Variants in SHC3 observed in about 807,000 individuals in gnomAD.
SHC3 encodes the protein SHC adaptor protein 3, also known as SHC-transforming protein 3.
SHC3 carries 15 observed loss-of-function variants against 60.4 expected under a neutral mutation model. The observed-to-expected ratio is 0.25, with a 90% CI of 0.17 to 0.38. The LOEUF is 0.38. SHC3 is among the 10% of genes least tolerant of loss of function. The pLI is 1.00. For missense variants in SHC3, 677 were observed against 786.1 expected, an observed-to-expected ratio of 0.86 and a Z score of 1.66; for synonymous variants, 294 against 325.9, an observed-to-expected ratio of 0.90 and a Z score of 1.05.
chr9:89,065,476 G>A lies in SHC3; in HGVS notation c.835+53C>T, dbSNP rs964563499. 3 of 1,581,380 alleles carry A rather than the reference G, an allele frequency of 1.9e-6. No homozygotes were observed. In the Admixed American group the frequency reaches 5.0e-5, roughly 26 times the overall value. On this transcript the variant is annotated intron_variant, in intron 6 of 11. Coordinates refer to ENST00000375835, the MANE Select transcript of SHC3 (RefSeq NM_016848.6). ...TAACGAGGACCAGCTTGTATAGAAT[G>A]TGAAGCCTGGCTGTACACAAACAAG...
At chr9:89,015,220 C>T (rs1174107203) in intron 11 of SHC3, among the ~76,000 whole-genome samples, 3 of 152,240 alleles carry the variant, frequency 2.0e-5, no homozygotes, top group Admixed American at 1.3e-4. Flanking sequence ...AGGAACTCAA[C>T]TTGAGACCAG....
intron 9 of SHC3, among the ~76,000 whole-genome samples, chr9:89,044,549 T>C (rs1407525697): frequency 6.6e-6 from 1 of 152,212 alleles, no homozygotes; most frequent in Non-Finnish European, 1.5e-5. Flanking sequence ...TCAGATCTTA[T>C]AGACTTAGTA....
intron 1 of SHC3, among the ~76,000 whole-genome samples, chr9:89,138,289 G>T (rs1826346732): frequency 6.6e-6 from 1 of 152,190 alleles, no homozygotes; most frequent in East Asian, 1.9e-4. Flanking sequence ...TAAGAGAATG[G>T]CTACTCCATA....
intron 2 of SHC3, among the ~76,000 whole-genome samples, chr9:89,092,853 C>T (rs1023364279): frequency 8.6e-5 from 13 of 151,928 alleles, no homozygotes; most frequent in African/African-American, 3.1e-4. Context: ...TTGTTTGACT[C>T]ATTATGAAAA....
At chr9:89,059,598 G>C (rs1328873821) in intron 6 of SHC3, among the ~76,000 whole-genome samples, 3 of 140,356 alleles carry the variant, frequency 2.1e-5, no homozygotes, top group Non-Finnish European at 4.6e-5. Flanking sequence ...AGGACATGGT[G>C]TAGGACGTGG....
chr9:89,174,322 T>C (rs1007825187), intron 1 of SHC3, among the ~76,000 whole-genome samples: 1 of 152,210 alleles, frequency 6.6e-6, no homozygotes, highest in African/African-American at 2.4e-5. Flanking sequence ...CAGAGCTTTG[T>C]TCCAAAAGGG....
intron 2 of SHC3, among the ~76,000 whole-genome samples, chr9:89,082,746 G>A (rs1234482367): frequency 6.6e-6 from 1 of 152,138 alleles, no homozygotes; most frequent in Non-Finnish European, 1.5e-5. Context: ...ACGGACCCCA[G>A]GCAAACTTTA....
chr9:89,075,222 T>C lies in SHC3; in HGVS notation c.616A>G (p.Ser206Gly), dbSNP rs776370824. ...CCCAAGATGCTGGACAGCATTTTGC[T>C]TGGAGGCTGTGAAATTAAAGAGCAT... The part of the protein sequence containing the change: ...KGAFKKRKPP[S>G]KMLSSILGKS... Residue 206 changes from serine (S) to glycine (G), a missense_variant, in exon 4 of 12, where the codon AGC (serine) becomes GGC (glycine). By Grantham distance (56) the Ser-to-Gly change is moderately conservative. Transcript: ENST00000375835. 2.5e-6 allele frequency: 4 copies of C among 1,613,616 alleles called. No individual in the cohort carries two copies. The highest frequency in any genetic ancestry group is 1.7e-5 in the Admixed American group (1 of 59,970).
At chr9:89,134,256 A>G (rs1826289961) in intron 1 of SHC3, among the ~76,000 whole-genome samples, 1 of 152,132 alleles carries the variant, frequency 6.6e-6, no homozygotes, top group Non-Finnish European at 1.5e-5. Flanking sequence ...TTAAAGGGTA[A>G]AAGGATTCTT....
At chr9:89,116,040 C>T (rs1481974365) in intron 1 of SHC3, among the ~76,000 whole-genome samples, 1 of 152,102 alleles carries the variant, frequency 6.6e-6, no homozygotes, top group Non-Finnish European at 1.5e-5. Context: ...CTATCAGCAG[C>T]AGAACCATAG....
At position 89,045,985 on chromosome 9, in the gene SHC3, T is replaced by C. The variant is rs1451370185; in HGVS notation, c.1114-152A>G. On this transcript the variant is annotated intron_variant, in intron 8 of 11. Coordinates refer to ENST00000375835, the MANE Select transcript of SHC3 (RefSeq NM_016848.6). Reference sequence around the variant, plus strand: ...TTCCCTTCATGCCTCATGGTTGGCATTAAGATTTGGGAAATAAGTTTGTGT... The same window carrying C: ...TTCCCTTCATGCCTCATGGTTGGCACTAAGATTTGGGAAATAAGTTTGTGT... 7 of 666,616 alleles carry C rather than the reference T, an allele frequency of 1.1e-5. No homozygotes were observed. The East Asian group carries it at 1.7e-4, about 16-fold the overall frequency. 41.3% of individuals were successfully genotyped at this position (666,616 alleles called of 1,614,324 possible). A position where few individuals can be genotyped will look rare whatever the true frequency, so the allele number is the denominator to read the frequency against.
At chr9:89,119,105 G>A (rs1464703253) in intron 1 of SHC3, among the ~76,000 whole-genome samples, 2 of 151,996 alleles carry the variant, frequency 1.3e-5, no homozygotes, top group Non-Finnish European at 2.9e-5. Context: ...TGTGGAGGTA[G>A]GTCCGGAACT....
intron 2 of SHC3, among the ~76,000 whole-genome samples, chr9:89,103,956 G>A (rs1365161048): frequency 1.3e-5 from 2 of 152,122 alleles, no homozygotes; most frequent in Non-Finnish European, 2.9e-5. Context: ...GAACTCAGAG[G>A]AAAAGACAGA....
chr9:89,168,089 T>C (rs1826816381), intron 1 of SHC3, among the ~76,000 whole-genome samples: 2 of 152,180 alleles, frequency 1.3e-5, no homozygotes, highest in East Asian at 1.9e-4. Context: ...AGAGTCACAG[T>C]TTATCCATCT....
At chr9:89,122,860 G>A (rs925088807) in intron 1 of SHC3, among the ~76,000 whole-genome samples, 1 of 152,184 alleles carries the variant, frequency 6.6e-6, no homozygotes, top group Non-Finnish European at 1.5e-5. Flanking sequence ...GTTACCAAGG[G>A]ATGGGCTTGC....
intron 1 of SHC3, among the ~76,000 whole-genome samples, chr9:89,177,132 A>C (rs185022365): frequency 3.9e-5 from 6 of 152,328 alleles, no homozygotes; most frequent in Non-Finnish European, 5.9e-5. Flanking sequence ...GAGCTGCCCA[A>C]CCGGCAGAAG....
intron 2 of SHC3, among the ~76,000 whole-genome samples, chr9:89,085,756 A>G (rs190813762): frequency 1.7e-4 from 26 of 152,312 alleles, no homozygotes; most frequent in African/African-American, 4.3e-4. Context: ...AAAGACACAC[A>G]TTGGCTCTCC....
chr9:89,141,816 A>C (rs1826397781), intron 1 of SHC3, among the ~76,000 whole-genome samples: 1 of 152,106 alleles, frequency 6.6e-6, no homozygotes, highest in African/African-American at 2.4e-5. Context: ...ATCACCCTGA[A>C]TAATAAAAAA....
chr9:89,098,625 A>C (rs1825738888), intron 2 of SHC3, among the ~76,000 whole-genome samples: 1 of 152,240 alleles, frequency 6.6e-6, no homozygotes, highest in South Asian at 2.1e-4. Context: ...CCTGGCTAAC[A>C]CGGTGAAACC....
Sources: allele counts gnomAD v4.1 joint callset (sites outside exome capture counted in the v4.1 genomes callset), GRCh38; gene constraint gnomAD v4.1.1; transcripts MANE v1.5; gene names NCBI Gene and HGNC (gene_info 2026-07-23, HGNC 2026-07-21).